Variants in SPHKAP observed in about 807,000 individuals in gnomAD.
SPHKAP encodes the protein A-kinase anchor protein SPHKAP.
Under a neutral mutation model 137.5 loss-of-function variants are expected in SPHKAP, and 67 were observed. The observed-to-expected ratio is 0.49, with a 90% CI of 0.40 to 0.60. SPHKAP has a LOEUF of 0.60. SPHKAP is among the 20% of genes least tolerant of loss of function. The pLI is 0.00. For missense variants in SPHKAP, 2,097 were observed against 2,069.3 expected (o/e 1.01, Z -0.26); for synonymous variants, 813 against 785.3 (o/e 1.04, Z -0.59).
At chr2:228,106,628 C>T (rs1322475709) in intron 3 of SPHKAP, among the ~76,000 whole-genome samples, 1 of 152,046 alleles carries the variant, frequency 6.6e-6, no homozygotes, top group African/African-American at 2.4e-5. Context: ...GAATTAAGTC[C>T]TTATTCCTTG....
chr2:228,081,908 G>A (rs547079194), intron 3 of SPHKAP, among the ~76,000 whole-genome samples: 42 of 152,138 alleles, frequency 2.8e-4, no homozygotes, highest in African/African-American at 7.5e-4. Flanking sequence ...ACAATGTGTC[G>A]TATTCCTGAA....
intron 3 of SPHKAP, among the ~76,000 whole-genome samples, chr2:228,061,131 T>C (rs184024247): frequency 6.6e-6 from 1 of 152,288 alleles, no homozygotes; most frequent in African/African-American, 2.4e-5. Flanking sequence ...CAGCATAGCA[T>C]AGGAATTGGG....
rs1692955363 is a variant in SPHKAP, at chr2:227,980,432, TA to T, written c.*1284del. On this transcript the variant is annotated 3_prime_UTR_variant, in exon 12 of 12. Coordinates refer to ENST00000392056, the MANE Select transcript of SPHKAP (RefSeq NM_001142644.2). ...GTGATCTTTAAAAATAGAGTAAAAG[TA>T]TAGTTATCCAGAAGTCCTTAATAAA... 1 of 152,200 alleles carries T rather than the reference TA, an allele frequency of 6.6e-6. No individual in the cohort carries two copies. Among genetic ancestry groups the T allele is most frequent in the Non-Finnish European group, 1.5e-5 (1 of 68,034 alleles). 9.4% of individuals were successfully genotyped at this position (152,200 alleles called of 1,614,324 possible). A position where few individuals can be genotyped will look rare whatever the true frequency, so the allele number is the denominator to read the frequency against.
rs1188320973 is a variant in SPHKAP at position 228,084,412 on chromosome 2, T to C, written c.246+24420A>G. On this transcript the variant is annotated intron_variant, in intron 3 of 11. Coordinates refer to ENST00000392056, the MANE Select transcript of SPHKAP (RefSeq NM_001142644.2). ...CTAAAGGCTGCATAAATTTTTCCTATAATTATTAACAAACTAAGAAAATAG... is the reference window on the plus strand; with the variant it reads ...CTAAAGGCTGCATAAATTTTTCCTACAATTATTAACAAACTAAGAAAATAG... Among the ~76,000 whole-genome samples, 7 of 152,310 alleles carry C rather than the reference T, an allele frequency of 4.6e-5. No homozygotes were observed. The South Asian group carries it at 1.0e-3, about 23-fold the overall frequency.
chr2:228,069,455 T>G (rs1274580375), intron 3 of SPHKAP, among the ~76,000 whole-genome samples: 1 of 151,084 alleles, frequency 6.6e-6, no homozygotes, highest in South Asian at 2.1e-4. Flanking sequence ...CTTTCTTTTT[T>G]TTTTTTTTTA....
intron 7 of SPHKAP, among the ~76,000 whole-genome samples, chr2:228,012,042 C>T (rs1338066040): frequency 2.0e-5 from 3 of 151,462 alleles, no homozygotes; most frequent in African/African-American, 4.9e-5. Context: ...GTGGTGCACA[C>T]CTATAGTCTC....
At chr2:228,151,415 G>A (rs937362629) in intron 1 of SPHKAP, among the ~76,000 whole-genome samples, 2 of 151,978 alleles carry the variant, frequency 1.3e-5, no homozygotes, top group Non-Finnish European at 2.9e-5. Context: ...TGTCTTTATA[G>A]CAGCATGATT....
chr2:228,090,410 G>A (rs1697688386), intron 3 of SPHKAP, among the ~76,000 whole-genome samples: 1 of 152,304 alleles, frequency 6.6e-6, no homozygotes, highest in African/African-American at 2.4e-5. Context: ...CTCATAGCTG[G>A]AAACAACTTG....
At chr2:228,115,674 C>A (rs1698687851) in intron 2 of SPHKAP, among the ~76,000 whole-genome samples, 1 of 152,064 alleles carries the variant, frequency 6.6e-6, no homozygotes, top group African/African-American at 2.4e-5. Context: ...TAATATCTGG[C>A]ATGGGGGCCA....
intron 1 of SPHKAP, among the ~76,000 whole-genome samples, chr2:228,145,355 A>G (rs1574892398): frequency 1.3e-5 from 2 of 152,180 alleles, no homozygotes; most frequent in South Asian, 2.1e-4. Context: ...TATATTTTCT[A>G]TACATTTAGT....
At chr2:228,078,380 C>CGTTT (rs1491221427) in intron 3 of SPHKAP, among the ~76,000 whole-genome samples, 6 of 128,198 alleles carry the variant, frequency 4.7e-5, no homozygotes, top group African/African-American at 1.7e-4. Context: ...TGTTGGCAGA[C>CGTTT]TTTTTTTTTT....
intron 2 of SPHKAP, among the ~76,000 whole-genome samples, chr2:228,116,621 G>C (rs999855625): frequency 2.0e-5 from 3 of 152,118 alleles, no homozygotes; most frequent in African/African-American, 7.2e-5. Context: ...TTCTAATCCT[G>C]TCAGAAACTA....
chr2:228,020,299 A>G lies in SPHKAP; in HGVS notation c.698-143T>C, dbSNP rs1282452212. On this transcript the variant is annotated intron_variant, in intron 6 of 11. Coordinates refer to ENST00000392056, the MANE Select transcript of SPHKAP (RefSeq NM_001142644.2). ...TTATTGCAGCACTATTCACAATAGC[A>G]AAGACTTGGAACCAACCCAAATGTC... 3.2e-6 allele frequency: 4 copies of G among 1,233,574 alleles called. No homozygotes were observed. In the South Asian group the frequency reaches 4.8e-5, roughly 15 times the overall value. 76.4% of individuals were successfully genotyped at this position (1,233,574 alleles called of 1,614,324 possible).
intron 3 of SPHKAP, among the ~76,000 whole-genome samples, chr2:228,058,210 T>A (rs1421712731): frequency 6.6e-6 from 1 of 152,156 alleles, no homozygotes; most frequent in Admixed American, 6.5e-5. Flanking sequence ...GCATCCTGCA[T>A]CTCCCAGCCT....
At chr2:227,988,794 CAT>C (rs1223343553) in intron 11 of SPHKAP, among the ~76,000 whole-genome samples, 1 of 152,284 alleles carries the variant, frequency 6.6e-6, no homozygotes, top group East Asian at 1.9e-4. Flanking sequence ...TAGGGTCACA[CAT>C]GATTATGCTT....
Position 228,070,756 on chromosome 2 carries a change from C to T in SPHKAP, c.246+38076G>A, listed in dbSNP as rs114462161. ...GGCATCTTCAGTGGCGCAATCATTC[C>T]TGATTTTCATGAAGTTCTTTTTATC... is the stretch of plus-strand genomic sequence containing the variant. On this transcript the variant is annotated intron_variant, in intron 3 of 11. Coordinates refer to ENST00000392056, the MANE Select transcript of SPHKAP (RefSeq NM_001142644.2). Among the ~76,000 whole-genome samples, 618 of 152,252 alleles carry T rather than the reference C, an allele frequency of 4.1e-3. 6 individuals carry two copies. The highest frequency in any genetic ancestry group is 0.014 in the African/African-American group (563 of 41,544).
chr2:228,163,065 C>T (rs1228778843), intron 1 of SPHKAP, among the ~76,000 whole-genome samples: 1 of 152,146 alleles, frequency 6.6e-6, no homozygotes, highest in African/African-American at 2.4e-5. Context: ...TTTGTTACAG[C>T]CACAGAAACA....
rs770308700 is a variant in SPHKAP at position 228,017,334 on chromosome 2, G to A, written c.3520C>T (p.Leu1174Phe). The part of the protein sequence containing the change: ...MQQACRKSDH[L>F]SVRPSCPSKQ... Reference sequence around the variant, plus strand: ...GAGGGACAGCTAGGCCTCACACTGAGGTGGTCACTTTTCCGGCACGCCTGT... The same window carrying A: ...GAGGGACAGCTAGGCCTCACACTGAAGTGGTCACTTTTCCGGCACGCCTGT... The change falls in exon 7 of 12, where the codon CTC (leucine) becomes TTC (phenylalanine). Residue 1174 changes from leucine to phenylalanine, a missense_variant. By Grantham distance (22) the Leu-to-Phe change is conservative. Transcript: ENST00000392056. 1 of 1,613,876 alleles carries A rather than the reference G, an allele frequency of 6.2e-7. No homozygotes were observed. The highest frequency in any genetic ancestry group is 8.5e-7 in the Non-Finnish European group (1 of 1,179,912).
Position 228,181,457 on chromosome 2 carries a change from T to C in SPHKAP, c.32+110A>G. 2.7e-6 allele frequency: 4 copies of C among 1,469,842 alleles called. No individual in the cohort carries two copies. Among genetic ancestry groups the C allele is most frequent in the Non-Finnish European group, 3.8e-6 (4 of 1,049,150 alleles). The allele number at this position is 1,469,842 out of a possible 1,614,324, so 91.0% of individuals were successfully genotyped here. On this transcript the variant is annotated intron_variant, in intron 1 of 11. Transcript: ENST00000392056. This position sits in a 1 kb window ranked among gnomAD's most constrained non-coding sequence, Gnocchi z 4.3. ...AGTGCAGTGACCCCTGTCTCCTCGCTGGGAGCCCCGTGCAAACCGAAGCGC... is the reference window on the plus strand; with the variant it reads ...AGTGCAGTGACCCCTGTCTCCTCGCCGGGAGCCCCGTGCAAACCGAAGCGC...
Sources: gnomAD v4.1 joint callset for allele counts (sites outside exome capture counted in the v4.1 genomes callset) on GRCh38, gnomAD v4.1.1 for gene constraint, Gnocchi (gnomAD v3.1) non-coding constraint, MANE v1.5 for transcripts, NCBI Gene and HGNC (gene_info 2026-07-23, HGNC 2026-07-21) for gene names.